Variants in TMEM178B observed in about 807,000 individuals in gnomAD.
The protein encoded by TMEM178B is transmembrane protein 178B.
A neutral mutation model predicts 31.0 loss-of-function variants in TMEM178B; 5 were observed. That is an observed-to-expected ratio of 0.16 (90% confidence interval 0.08 to 0.34). TMEM178B has a LOEUF of 0.34. TMEM178B is among the 10% of genes least tolerant of loss of function. The pLI is 1.00. For missense variants in TMEM178B, 275 were observed against 400.3 expected, an observed-to-expected ratio of 0.69 and a Z score of 2.67; for synonymous variants, 164 against 164.0, an observed-to-expected ratio of 1.00 and a Z score of 0.00.
chr7:141,202,556 C>G (rs1322771523), intron 1 of TMEM178B, among the ~76,000 whole-genome samples: 3 of 152,140 alleles, frequency 2.0e-5, no homozygotes, highest in Non-Finnish European at 4.4e-5. Flanking sequence ...TACAAAAAAA[C>G]AAAGCATACA....
downstream of TMEM178B, among the ~76,000 whole-genome samples, chr7:141,482,475 C>T (rs928859026): frequency 6.6e-6 from 1 of 152,186 alleles, no homozygotes; most frequent in Non-Finnish European, 1.5e-5. Context: ...ATCTTGGTAT[C>T]CCAACAACTA....
chr7:141,258,660 A>G (rs1012166303), intron 2 of TMEM178B, among the ~76,000 whole-genome samples: 3 of 152,156 alleles, frequency 2.0e-5, no homozygotes, highest in African/African-American at 7.2e-5. Context: ...AAATCTCTCC[A>G]TATTTAATTA....
chr7:141,195,779 G>A (rs1438731069), intron 1 of TMEM178B, among the ~76,000 whole-genome samples: 3 of 152,148 alleles, frequency 2.0e-5, no homozygotes, highest in Admixed American at 2.0e-4. Flanking sequence ...AGATTTCATT[G>A]AACTTACAGT....
intron 2 of TMEM178B, among the ~76,000 whole-genome samples, chr7:141,235,572 T>C (rs1797514928): frequency 6.6e-6 from 1 of 152,228 alleles, no homozygotes; most frequent in Non-Finnish European, 1.5e-5. Context: ...CAGAGAAATT[T>C]AAGGAACTTG....
intron 3 of TMEM178B, among the ~76,000 whole-genome samples, chr7:141,447,764 A>C (rs1801787166): frequency 6.6e-6 from 1 of 152,104 alleles, no homozygotes; most frequent in Admixed American, 6.6e-5. Context: ...AAGGTGTTGC[A>C]GGGGCAGCCG....
chr7:141,253,843 C>T (rs1462890339), intron 2 of TMEM178B, among the ~76,000 whole-genome samples: 2 of 152,166 alleles, frequency 1.3e-5, no homozygotes, highest in Admixed American at 6.5e-5. Context: ...TGAGCCACCG[C>T]GCCCGGCCCC....
intron 2 of TMEM178B, among the ~76,000 whole-genome samples, chr7:141,232,499 A>C (rs1241450036): frequency 6.6e-6 from 1 of 152,166 alleles, no homozygotes; most frequent in East Asian, 1.9e-4. Context: ...AATAATTACC[A>C]TTCTGACGGG....
At chr7:141,396,114 A>G (rs927265417) in intron 2 of TMEM178B, among the ~76,000 whole-genome samples, 1 of 152,076 alleles carries the variant, frequency 6.6e-6, no homozygotes, top group African/African-American at 2.4e-5. Flanking sequence ...GCTCTCTCAG[A>G]GAGGGGAGGT....
chr7:141,177,756 A>C (rs756278825), intron 1 of TMEM178B, among the ~76,000 whole-genome samples: 21 of 152,120 alleles, frequency 1.4e-4, no homozygotes, highest in Non-Finnish European at 3.1e-4. Context: ...AGAGACTAGA[A>C]TTGCAACCCC....
intron 1 of TMEM178B, among the ~76,000 whole-genome samples, chr7:141,093,346 G>A (rs1794909140): frequency 6.6e-6 from 1 of 152,214 alleles, no homozygotes; most frequent in African/African-American, 2.4e-5. Context: ...AACAGGAGCT[G>A]GCAGAGCAGA....
chr7:141,410,234 C>T (rs971451386), intron 2 of TMEM178B, among the ~76,000 whole-genome samples: 1 of 152,176 alleles, frequency 6.6e-6, no homozygotes, highest in Non-Finnish European at 1.5e-5. Context: ...GCGTAATGAG[C>T]CTCTCAGCAT....
At chr7:141,431,697 A>G (rs747345812) in intron 2 of TMEM178B, among the ~76,000 whole-genome samples, 14 of 152,120 alleles carry the variant, frequency 9.2e-5, no homozygotes, top group Non-Finnish European at 1.8e-4. Flanking sequence ...CCAGTCCCAC[A>G]TCATATTTTT....
intron 2 of TMEM178B, among the ~76,000 whole-genome samples, chr7:141,401,271 A>G (rs1800759523): frequency 6.6e-6 from 1 of 152,256 alleles, no homozygotes; most frequent in Non-Finnish European, 1.5e-5. Context: ...ATTAAAGAAC[A>G]AGAGTTTATT....
chr7:141,327,166 G>A (rs576103588), intron 2 of TMEM178B, among the ~76,000 whole-genome samples: 3 of 152,096 alleles, frequency 2.0e-5, no homozygotes, highest in Non-Finnish European at 2.9e-5. Flanking sequence ...TTGGGTAGAC[G>A]GTGGCCTCTT....
chr7:141,156,784 G>C (rs953420314), intron 1 of TMEM178B, among the ~76,000 whole-genome samples: 1 of 152,210 alleles, frequency 6.6e-6, no homozygotes, highest in African/African-American at 2.4e-5. Context: ...ATGAGATAGG[G>C]TGGGATGGTG....
intron 2 of TMEM178B, among the ~76,000 whole-genome samples, chr7:141,225,269 C>T (rs1442857579): frequency 6.6e-6 from 1 of 152,156 alleles, no homozygotes; most frequent in Non-Finnish European, 1.5e-5. Flanking sequence ...CCTCCCTGCT[C>T]CATCCTTCAC....
chr7:141,074,809 C>A lies in TMEM178B; in HGVS notation c.382+117C>A. The A allele has an allele frequency of 3.6e-6, 5 of 1,371,372 alleles. No homozygotes were observed. In the South Asian group the frequency reaches 6.2e-5, roughly 17 times the overall value. The allele number at this position is 1,371,372 out of a possible 1,614,324, so 85.0% of individuals were successfully genotyped here. A position where few individuals can be genotyped will look rare whatever the true frequency, so the allele number is the denominator to read the frequency against. On this transcript the variant is annotated intron_variant, in intron 1 of 3. Coordinates refer to ENST00000565468, the MANE Select transcript of TMEM178B (RefSeq NM_001195278.2). The surrounding 1 kb of genome is among the most constrained non-coding windows in gnomAD (Gnocchi z 5.1). ...TCAGGTCTCTGGGTTCCAGGCGGTC[C>A]GGTTATCCAGGCCTGGCTGAGCCTC...
intron 2 of TMEM178B, among the ~76,000 whole-genome samples, chr7:141,325,204 G>A (rs1563151946): frequency 6.6e-6 from 1 of 152,176 alleles, no homozygotes; most frequent in African/African-American, 2.4e-5. Flanking sequence ...TGACTGTGCT[G>A]TAATATAAAG....
At chr7:141,107,636 G>T (rs887415720) in intron 1 of TMEM178B, among the ~76,000 whole-genome samples, 5 of 152,220 alleles carry the variant, frequency 3.3e-5, no homozygotes, top group African/African-American at 1.2e-4. Flanking sequence ...GGCTAGCACA[G>T]GCTTTAGGGA....
Sources: allele counts gnomAD v4.1 joint callset (sites outside exome capture counted in the v4.1 genomes callset), GRCh38; gene constraint gnomAD v4.1.1; non-coding constraint Gnocchi (gnomAD v3.1); transcripts MANE v1.5; gene names NCBI Gene and HGNC (gene_info 2026-07-23, HGNC 2026-07-21).